Variants in PLA2G5 observed in about 807,000 individuals in gnomAD.
PLA2G5 encodes phospholipase A2 group V.
Under a neutral mutation model 15.9 loss-of-function variants are expected in PLA2G5, and 12 were observed. That is an observed-to-expected ratio of 0.76 (90% CI 0.48 to 1.23). PLA2G5 has a LOEUF of 1.23. PLA2G5 is among the 50% of genes most tolerant of loss of function. The probability of loss-of-function intolerance (pLI) is 0.00; values close to 1 mark genes in which losing one functional copy is unlikely to be tolerated. For missense variants in PLA2G5, 169 were observed against 177.1 expected, an observed-to-expected ratio of 0.95 and a Z score of 0.26; for synonymous variants, 71 against 71.4, an observed-to-expected ratio of 0.99 and a Z score of 0.03.
chr1:20,037,736 G>A (rs1462177675), intron 1 of PLA2G5, among the ~76,000 whole-genome samples: 2 of 152,198 alleles, frequency 1.3e-5, no homozygotes, highest in African/African-American at 2.4e-5. Flanking sequence ...GTAGTATGGG[G>A]GAATACAAGT....
intron 1 of PLA2G5, among the ~76,000 whole-genome samples, chr1:20,037,070 C>T (rs940416981): frequency 2.0e-5 from 3 of 152,160 alleles, no homozygotes; most frequent in Non-Finnish European, 4.4e-5. Context: ...GAGATTTCTT[C>T]TTGGTTTGGA....
At position 20,037,161 on chromosome 1, in the gene PLA2G5, G is replaced by A. The variant is rs12738975; in HGVS notation, n.276+8452G>A. On this transcript the variant is annotated intron_variant and non_coding_transcript_variant, in intron 1 of 6. Coordinates refer to the PLA2G5 transcript ENST00000460175. ...TCATATTACCAGAATTGATTTTCTC[G>A]TTCCTTCTCATTTGGGGTAGACTAT... 5.1e-3 allele frequency among the ~76,000 whole-genome samples: 775 copies of A among 152,262 alleles called. 4 individuals are homozygous for A. Among genetic ancestry groups the A allele is most frequent in the Non-Finnish European group, 7.9e-3 (534 of 68,016 alleles).
chr1:20,071,002 T>C, intron 1 of PLA2G5: 1 of 152,358 alleles, frequency 6.6e-6, no homozygotes, highest in Non-Finnish European at 1.5e-5. Flanking sequence ...TCCCTCTCTC[T>C]CTCTCTCGCT....
intron 1 of PLA2G5, among the ~76,000 whole-genome samples, chr1:20,071,559 G>C (rs570083506): frequency 6.6e-6 from 1 of 152,152 alleles, no homozygotes; most frequent in Non-Finnish European, 1.5e-5. Flanking sequence ...GAGAGCACAC[G>C]GTACTGGGAG....
At chr1:20,085,002 A>T (rs2016213568) in intron 2 of PLA2G5, 132 bp downstream of exon 2, 1 of 748,166 alleles carries the variant, frequency 1.3e-6, no homozygotes, top group Non-Finnish European at 2.5e-6. Flanking sequence ...CTGCATAGAC[A>T]TTCAGCAAGA....
chr1:20,053,019 A>T (rs1289548400), intron 1 of PLA2G5, among the ~76,000 whole-genome samples: 1 of 152,100 alleles, frequency 6.6e-6, no homozygotes, highest in Admixed American at 6.5e-5. Context: ...CATCTTACCT[A>T]TGTTGATTGA....
intron 1 of PLA2G5, among the ~76,000 whole-genome samples, chr1:20,032,721 T>A (rs78435671): frequency 0.018 from 2,682 of 152,288 alleles, 37 homozygotes; most frequent in Middle Eastern, 0.058. Flanking sequence ...ATTACTGAGG[T>A]AAAACCATCC....
chr1:20,036,844 T>C (rs2013277492), intron 1 of PLA2G5, among the ~76,000 whole-genome samples: 1 of 152,130 alleles, frequency 6.6e-6, no homozygotes, highest in Non-Finnish European at 1.5e-5. Flanking sequence ...TTTGTATTTT[T>C]AGTAGAGACA....
In PLA2G5 at chr1:20,070,388, C is replaced by T. The variant is rs949160435; in HGVS notation, c.-88C>T. On this transcript the variant is annotated 5_prime_UTR_variant, in exon 1 of 5. Transcript: ENST00000375108. ...CTGGAGACGGGGAGCCCGCGAGACC[C>T]GGGTCTCCAGGGTCTGCCCAAGGAA... 7.1e-6 allele frequency: 7 copies of T among 985,290 alleles called. No individual in the cohort carries two copies. Among genetic ancestry groups the T allele is most frequent in the African/African-American group, 1.7e-5 (1 of 57,240 alleles). 61.0% of individuals were successfully genotyped at this position (985,290 alleles called of 1,614,324 possible).
intron 1 of PLA2G5, among the ~76,000 whole-genome samples, chr1:20,041,775 A>T (rs2013613413): frequency 6.6e-6 from 1 of 152,138 alleles, no homozygotes; most frequent in South Asian, 2.1e-4. Flanking sequence ...ATGGGAAGAG[A>T]TCGATTGGTG....
intron 1 of PLA2G5, among the ~76,000 whole-genome samples, chr1:20,075,990 G>A (rs1251555223): frequency 6.7e-6 from 1 of 150,172 alleles, no homozygotes; most frequent in Non-Finnish European, 1.5e-5. Context: ...TCCTGCCTCA[G>A]CCTCCCAAGT....
chr1:20,029,600 A>G (rs2012796064), intron 1 of PLA2G5, among the ~76,000 whole-genome samples: 1 of 152,082 alleles, frequency 6.6e-6, no homozygotes, highest in Non-Finnish European at 1.5e-5. Flanking sequence ...ACCTAGCTTT[A>G]TGGGAGTGGA....
intron 1 of PLA2G5, among the ~76,000 whole-genome samples, chr1:20,055,376 C>T (rs2014384039): frequency 6.6e-6 from 1 of 152,176 alleles, no homozygotes. Context: ...TTATTCTCTG[C>T]AAGTCCTTGT....
chr1:20,079,064 T>A (rs1272407042), intron 1 of PLA2G5, among the ~76,000 whole-genome samples: 1 of 144,500 alleles, frequency 6.9e-6, no homozygotes, highest in Non-Finnish European at 1.5e-5. Flanking sequence ...CAGTGAGATG[T>A]GATTGTGTCT....
At chr1:20,064,589 A>AT (rs1252253904) in intron 2 of PLA2G5, among the ~76,000 whole-genome samples, 1 of 151,916 alleles carries the variant, frequency 6.6e-6, no homozygotes, top group Admixed American at 6.6e-5. Context: ...AAGGAAAAAA[A>AT]AAAAAAAGGA....
rs142859150 is a variant in PLA2G5 at position 20,085,278 on chromosome 1, G to A, written c.40+408G>A. ...ACCTATGATTCCTGGGTCATTCTCAGCTCAGGCTTGTCCAGCTGGGAAGTG... is the reference window on the plus strand; with the variant it reads ...ACCTATGATTCCTGGGTCATTCTCAACTCAGGCTTGTCCAGCTGGGAAGTG... On this transcript the variant is annotated intron_variant, in intron 2 of 4. Coordinates refer to ENST00000375108, the MANE Select transcript of PLA2G5 (RefSeq NM_000929.3). Among the ~76,000 whole-genome samples the A allele has an allele frequency of 3.5e-3, 539 of 152,184 alleles. 1 individual carries two copies. Among genetic ancestry groups the A allele is most frequent in the Admixed American group, 7.4e-3 (113 of 15,298 alleles).
At chr1:20,047,507 T>C (rs1425544693) in intron 1 of PLA2G5, among the ~76,000 whole-genome samples, 1 of 152,188 alleles carries the variant, frequency 6.6e-6, no homozygotes, top group Non-Finnish European at 1.5e-5. Flanking sequence ...ACATTTACAT[T>C]GAGAAAAAGA....
At chr1:20,038,238 G>C (rs1423331798) in intron 1 of PLA2G5, among the ~76,000 whole-genome samples, 1 of 151,934 alleles carries the variant, frequency 6.6e-6, no homozygotes, top group African/African-American at 2.4e-5. Context: ...TGGATTCTGT[G>C]GTCATATCTG....
At chr1:20,050,899 C>T (rs1469233780) in intron 1 of PLA2G5, among the ~76,000 whole-genome samples, 1 of 151,990 alleles carries the variant, frequency 6.6e-6, no homozygotes, top group Non-Finnish European at 1.5e-5. Flanking sequence ...CCAAAAATGA[C>T]ATAATTTTGC....
Sources: gnomAD v4.1 joint callset for allele counts (sites outside exome capture counted in the v4.1 genomes callset) on GRCh38, gnomAD v4.1.1 for gene constraint, MANE v1.5 for transcripts, NCBI Gene and HGNC (gene_info 2026-07-23, HGNC 2026-07-21) for gene names.